The following PTN variants were observed in gnomAD, a reference collection of about 807,000 sequenced individuals.
PTN encodes the protein heparin affin regulatory protein.
A neutral mutation model predicts 24.1 loss-of-function variants in PTN; 18 were observed. The ratio of observed to expected loss-of-function variants is 0.75; its 90% CI spans 0.52 to 1.11. The LOEUF is 1.11. Among genes scored for constraint, PTN ranks in the 50% least tolerant of loss-of-function variants. PTN has a pLI of 0.00. For synonymous variants in PTN, 78 were observed against 68.6 expected (o/e 1.14, Z -0.67); for missense variants, 163 against 198.8 (o/e 0.82, Z 1.08).
intron 1 of PTN, among the ~76,000 whole-genome samples, chr7:137,309,318 T>C (rs1809943592): frequency 6.6e-6 from 1 of 152,220 alleles, no homozygotes. Flanking sequence ...CTAATGAGCA[T>C]CTGAGCCTTC....
intron 1 of PTN, among the ~76,000 whole-genome samples, chr7:137,324,433 A>AAAAAAAAAAAAAAAAAAAAATATAT: frequency 2.3e-5 from 2 of 88,804 alleles, no homozygotes; most frequent in African/African-American, 1.4e-4. Context: ...AAAAAAAAAA[A>AAAAAAAAAAAAAAAAAAAAATATAT]ATATATATAT....
At chr7:137,282,927 A>G (rs1809495895) in intron 1 of PTN, among the ~76,000 whole-genome samples, 1 of 152,190 alleles carries the variant, frequency 6.6e-6, no homozygotes, top group South Asian at 2.1e-4. Flanking sequence ...CCTGGCCCTT[A>G]GCATAGGTAC....
chr7:137,343,575 A>ATGAC lies in PTN; in HGVS notation c.-142_-139dup, dbSNP rs774215725. 1 of 518,932 alleles carries ATGAC rather than the reference A, an allele frequency of 1.9e-6. No individual in the cohort carries two copies. Among genetic ancestry groups the ATGAC allele is most frequent in the Non-Finnish European group, 3.8e-6 (1 of 259,874 alleles). 32.1% of individuals were successfully genotyped at this position (518,932 alleles called of 1,614,324 possible). A position where few individuals can be genotyped will look rare whatever the true frequency, so the allele number is the denominator to read the frequency against. ...GCTGCTCTCCCCGCCTTCTGGACGG[A>ATGAC]TGACTCACTGGTCTCTTTCTTCCCC... On this transcript the variant is annotated 5_prime_UTR_variant, in exon 1 of 5. Coordinates refer to ENST00000348225, the MANE Select transcript of PTN (RefSeq NM_002825.7).
At chr7:137,325,007 A>C (rs1363208406) in intron 1 of PTN, among the ~76,000 whole-genome samples, 1 of 152,190 alleles carries the variant, frequency 6.6e-6, no homozygotes, top group Non-Finnish European at 1.5e-5. Context: ...TTGTACTGTA[A>C]TAGGCTCATC....
At chr7:137,323,188 G>C (rs1212636530) in intron 1 of PTN, among the ~76,000 whole-genome samples, 1 of 152,116 alleles carries the variant, frequency 6.6e-6, no homozygotes, top group Non-Finnish European at 1.5e-5. Flanking sequence ...AAAAGTACAT[G>C]GTTTGTTGCC....
intron 1 of PTN, among the ~76,000 whole-genome samples, chr7:137,276,024 A>T (rs322247): frequency 6.6e-6 from 1 of 152,178 alleles, no homozygotes; most frequent in Non-Finnish European, 1.5e-5. Flanking sequence ...AGCAAATGGC[A>T]TCCCACATTA....
chr7:137,283,820 C>A (rs1231836516), intron 1 of PTN, among the ~76,000 whole-genome samples: 1 of 151,980 alleles, frequency 6.6e-6, no homozygotes, highest in Non-Finnish European at 1.5e-5. Context: ...CTTTTCTTTC[C>A]TTCTAACAAG....
At chr7:137,230,959 C>T (rs1349222150) in intron 4 of PTN, among the ~76,000 whole-genome samples, 2 of 151,818 alleles carry the variant, frequency 1.3e-5, no homozygotes, top group African/African-American at 4.8e-5. Context: ...TTTCATCAAC[C>T]CCACACTTCC....
At chr7:137,293,994 A>G (rs183586133) in intron 1 of PTN, among the ~76,000 whole-genome samples, 5 of 152,240 alleles carry the variant, frequency 3.3e-5, no homozygotes, top group Admixed American at 1.3e-4. Flanking sequence ...CAAGCAAAAA[A>G]TGTTGATGGA....
chr7:137,262,450 C>G (rs1472410682), intron 1 of PTN, among the ~76,000 whole-genome samples: 1 of 152,002 alleles, frequency 6.6e-6, no homozygotes, highest in African/African-American at 2.4e-5. Context: ...TTGTGATGCT[C>G]TTTTACATTT....
At chr7:137,319,875 G>A (rs1355118347) in intron 1 of PTN, among the ~76,000 whole-genome samples, 2 of 152,182 alleles carry the variant, frequency 1.3e-5, no homozygotes, top group East Asian at 3.9e-4. Flanking sequence ...AACATCCAAG[G>A]GCCAAAGGGA....
intron 1 of PTN, among the ~76,000 whole-genome samples, chr7:137,293,219 A>G (rs943688975): frequency 6.6e-6 from 1 of 152,126 alleles, no homozygotes. Context: ...AAACTGCTCA[A>G]CAGTGAAGTT....
chr7:137,333,803 T>C (rs1238000387), intron 1 of PTN, among the ~76,000 whole-genome samples: 1 of 152,268 alleles, frequency 6.6e-6, no homozygotes, highest in East Asian at 1.9e-4. Flanking sequence ...ACTACAAGCC[T>C]ACAGTAACCA....
At chr7:137,235,639 G>A (rs190536874) in intron 4 of PTN, among the ~76,000 whole-genome samples, 18 of 152,048 alleles carry the variant, frequency 1.2e-4, no homozygotes, top group African/African-American at 4.1e-4. Flanking sequence ...CCTCTTTTAT[G>A]GACTCAATGC....
At chr7:137,275,395 G>A (rs1809344666) in intron 1 of PTN, among the ~76,000 whole-genome samples, 1 of 152,078 alleles carries the variant, frequency 6.6e-6, no homozygotes, top group African/African-American at 2.4e-5. Flanking sequence ...CTATTTCGTA[G>A]ACCACCTACT....
intron 1 of PTN, among the ~76,000 whole-genome samples, chr7:137,294,054 TTC>T (rs1467581187): frequency 5.3e-5 from 8 of 152,176 alleles, no homozygotes; most frequent in Admixed American, 3.9e-4. Context: ...TTTACAGAGT[TTC>T]TCTTTGTCCC....
At chr7:137,245,944 A>C (rs1808716002) in intron 4 of PTN, among the ~76,000 whole-genome samples, 1 of 152,254 alleles carries the variant, frequency 6.6e-6, no homozygotes, top group African/African-American at 2.4e-5. Flanking sequence ...ATAAATTTAA[A>C]AGTTTATAAA....
chr7:137,296,629 G>C (rs1809721966), intron 1 of PTN, among the ~76,000 whole-genome samples: 1 of 151,898 alleles, frequency 6.6e-6, no homozygotes, highest in African/African-American at 2.4e-5. Flanking sequence ...CCAATTGTTT[G>C]GGGATTTCTG....
intron 1 of PTN, among the ~76,000 whole-genome samples, chr7:137,274,199 G>GCC (rs1809322857): frequency 6.6e-6 from 1 of 151,994 alleles, no homozygotes; most frequent in African/African-American, 2.4e-5. Flanking sequence ...ACCCAATAGT[G>GCC]CCCCCTCCTT....
Sources: allele counts gnomAD v4.1 joint callset (sites outside exome capture counted in the v4.1 genomes callset), GRCh38; gene constraint gnomAD v4.1.1; transcripts MANE v1.5; gene names NCBI Gene and HGNC (gene_info 2026-07-23, HGNC 2026-07-21).